PPP1R9A: variants seen among roughly 807,000 people sequenced by gnomAD.
The protein encoded by PPP1R9A is protein phosphatase 1 regulatory subunit 9A, also known as neurabin-1.
A neutral mutation model predicts 141.9 loss-of-function variants in PPP1R9A; 59 were observed. The ratio of observed to expected loss-of-function variants is 0.42; its 90% confidence interval spans 0.34 to 0.52. The LOEUF is 0.52. Ranked by LOEUF, PPP1R9A falls within the 20% of genes least tolerant of loss-of-function variation. The probability of loss-of-function intolerance (pLI) is 0.10; values close to 1 mark genes in which losing one functional copy is unlikely to be tolerated. For synonymous variants in PPP1R9A, 500 were observed against 569.7 expected, an observed-to-expected ratio of 0.88 and a Z score of 1.74; for missense variants, 1,444 against 1,611.9, an observed-to-expected ratio of 0.90 and a Z score of 1.78.
intron 12 of PPP1R9A, among the ~76,000 whole-genome samples, chr7:95,254,483 T>A (rs1443623040): frequency 2.0e-5 from 3 of 152,180 alleles, no homozygotes; most frequent in Non-Finnish European, 4.4e-5. Context: ...CAACGTTTTG[T>A]ACCAGGAGAG....
chr7:95,061,209 C>A (rs1423550353), intron 2 of PPP1R9A, among the ~76,000 whole-genome samples: 1 of 152,140 alleles, frequency 6.6e-6, no homozygotes, highest in Non-Finnish European at 1.5e-5. Context: ...CCTTCCTGGG[C>A]TTGTACTGGG....
intron 5 of PPP1R9A, among the ~76,000 whole-genome samples, chr7:95,189,577 C>A (rs1835172285): frequency 6.7e-6 from 1 of 149,634 alleles, no homozygotes; most frequent in South Asian, 2.1e-4. Context: ...GCTGGGACTA[C>A]AGGCGCCCGC....
intron 12 of PPP1R9A, among the ~76,000 whole-genome samples, chr7:95,255,738 A>C (rs73223905): frequency 0.12 from 18,305 of 152,136 alleles, 1,212 homozygotes; most frequent in East Asian, 0.17. Flanking sequence ...AGAAAATTGA[A>C]TAACATTAGC....
chr7:94,955,700 G>A (rs990063093), intron 2 of PPP1R9A, among the ~76,000 whole-genome samples: 4 of 152,080 alleles, frequency 2.6e-5, no homozygotes, highest in Non-Finnish European at 5.9e-5. Flanking sequence ...TAGGACTTAG[G>A]AGTTCTTCAT....
intron 2 of PPP1R9A, among the ~76,000 whole-genome samples, chr7:95,088,759 G>T (rs1227509690): frequency 6.6e-6 from 1 of 151,914 alleles, no homozygotes; most frequent in Non-Finnish European, 1.5e-5. Flanking sequence ...TAAGTGGGAG[G>T]ACCTGGAGGC....
chr7:95,241,684 C>T (rs1797489958), intron 8 of PPP1R9A, among the ~76,000 whole-genome samples: 1 of 152,004 alleles, frequency 6.6e-6, no homozygotes, highest in Non-Finnish European at 1.5e-5. Context: ...AAAAATTCGA[C>T]ATTTCTCTTG....
intron 2 of PPP1R9A, among the ~76,000 whole-genome samples, chr7:94,916,798 CT>C (rs1203470319): frequency 2.6e-5 from 4 of 151,240 alleles, no homozygotes; most frequent in Admixed American, 6.6e-5. Flanking sequence ...GATGGTACAA[CT>C]TTTTTTTTGT....
rs1477094099 is a variant in PPP1R9A, at chr7:95,274,135, A to C, written c.3263A>C (p.Glu1088Ala). Residue 1088 changes from glutamate to alanine, a missense_variant, in exon 16 of 20, where the codon GAA (glutamate) becomes GCA (alanine). Coordinates refer to ENST00000433360, the MANE Select transcript of PPP1R9A (RefSeq NM_001166160.2). ...SSKGKKWKEKEKEASRFSAGS... is the reference protein window; with the variant it reads ...SSKGKKWKEKAKEASRFSAGS... ...AAGGGAAAGAAGTGGAAAGAAAAAG[A>C]AAAAGAAGCCAGTAGGTTTTCTGCA... 1 of 1,583,038 alleles carries C rather than the reference A, an allele frequency of 6.3e-7. No homozygotes were observed. Among genetic ancestry groups the C allele is most frequent in the Admixed American group, 1.7e-5 (1 of 58,008 alleles).
chr7:94,989,340 A>G (rs908891015), intron 2 of PPP1R9A, among the ~76,000 whole-genome samples: 1 of 152,112 alleles, frequency 6.6e-6, no homozygotes, highest in Non-Finnish European at 1.5e-5. Flanking sequence ...AAAGAAGCAC[A>G]AATTTATGTG....
At chr7:95,160,468 T>A (rs1429638672) in intron 4 of PPP1R9A, among the ~76,000 whole-genome samples, 1 of 152,194 alleles carries the variant, frequency 6.6e-6, no homozygotes, top group Non-Finnish European at 1.5e-5. Flanking sequence ...ACTGAATGTC[T>A]CCATTTAGTA....
chr7:95,066,431 A>G (rs1000229159), intron 2 of PPP1R9A, among the ~76,000 whole-genome samples: 5 of 152,350 alleles, frequency 3.3e-5, no homozygotes, highest in Admixed American at 6.5e-5. Flanking sequence ...AGAGCCAAAC[A>G]TGTAAGATAA....
intron 8 of PPP1R9A, among the ~76,000 whole-genome samples, chr7:95,245,995 A>G (rs531753416): frequency 6.6e-6 from 1 of 152,290 alleles, no homozygotes; most frequent in East Asian, 1.9e-4. Context: ...CACTCTCAGC[A>G]CCAAGAGCAG....
At chr7:95,062,330 G>T (rs1812345459) in intron 2 of PPP1R9A, among the ~76,000 whole-genome samples, 1 of 152,068 alleles carries the variant, frequency 6.6e-6, no homozygotes, top group African/African-American at 2.4e-5. Context: ...AATTCCCTGT[G>T]CATCAGTGTG....
chr7:95,063,437 T>C (rs973968309), intron 2 of PPP1R9A, among the ~76,000 whole-genome samples: 2 of 152,084 alleles, frequency 1.3e-5, no homozygotes, highest in African/African-American at 4.8e-5. Context: ...TGGCAGCACA[T>C]GCCTGTTATC....
chr7:95,287,279 T>C, intron 18 of PPP1R9A: 1 of 1,034,122 alleles, frequency 9.7e-7, no homozygotes, highest in Admixed American at 1.8e-5. Context: ...ATAGCTTTAC[T>C]CTCTGCCTTT....
intron 2 of PPP1R9A, among the ~76,000 whole-genome samples, chr7:95,022,653 A>G (rs771659095): frequency 5.3e-5 from 8 of 152,144 alleles, no homozygotes; most frequent in Non-Finnish European, 1.0e-4. Context: ...GATATGTGCC[A>G]TCAATATCTA....
chr7:94,977,445 A>G (rs1001160560), intron 2 of PPP1R9A, among the ~76,000 whole-genome samples: 1 of 152,192 alleles, frequency 6.6e-6, no homozygotes, highest in Admixed American at 6.5e-5. Context: ...GTTTTGTTAA[A>G]TGTTGCTGAT....
At chr7:95,001,376 C>T (rs1219998278) in intron 2 of PPP1R9A, among the ~76,000 whole-genome samples, 2 of 152,142 alleles carry the variant, frequency 1.3e-5, no homozygotes, top group East Asian at 3.9e-4. Flanking sequence ...GTTTTCCTCT[C>T]TCATGTCGCA....
intron 14 of PPP1R9A, among the ~76,000 whole-genome samples, chr7:95,273,055 C>T (rs1033266550): frequency 1.3e-5 from 2 of 152,150 alleles, no homozygotes; most frequent in African/African-American, 2.4e-5. Context: ...CAAGTGCCAC[C>T]AGTGGAATTG....
Sources: allele counts gnomAD v4.1 joint callset (sites outside exome capture counted in the v4.1 genomes callset), GRCh38; gene constraint gnomAD v4.1.1; transcripts MANE v1.5; gene names NCBI Gene and HGNC (gene_info 2026-07-23, HGNC 2026-07-21).